The following UGT1A4 variants were observed in gnomAD, a reference collection of about 807,000 sequenced individuals.
UGT1A4 encodes the protein UDP-glucuronosyltransferase 1A4.
UGT1A4 carries 32 observed loss-of-function variants against 41.1 expected under a neutral mutation model. The observed-to-expected ratio is 0.78, with a 90% CI of 0.59 to 1.05. The LOEUF is 1.05. Ranked by LOEUF, UGT1A4 falls within the 50% of genes least tolerant of loss-of-function variation. UGT1A4 has a pLI of 0.00. For synonymous variants in UGT1A4, 283 were observed against 265.1 expected (o/e 1.07, Z -0.66); for missense variants, 748 against 677.4 (o/e 1.10, Z -1.16).
chr2:233,725,317 C>CT lies in UGT1A4; in HGVS notation c.867+5630_867+5631insT, dbSNP rs1559370683. Among the ~76,000 whole-genome samples, 2 of 37,458 alleles carry CT rather than the reference C, an allele frequency of 5.3e-5. 1 individual carries two copies. Among genetic ancestry groups the CT allele is most frequent in the African/African-American group, 6.3e-4 (2 of 3,170 alleles). 24.6% of individuals were successfully genotyped at this position (37,458 alleles called of 152,430 possible). A position where few individuals can be genotyped will look rare whatever the true frequency, so the allele number is the denominator to read the frequency against. On this transcript the variant is annotated intron_variant, in intron 1 of 4. Coordinates refer to ENST00000373409, the MANE Select transcript of UGT1A4 (RefSeq NM_007120.3). ...GCAGAGGCAGAGGCAGAGGCAGAGGCGCCTGGTCAACAATCTTAAGTCCAA... is the reference window on the plus strand; with the variant it reads ...GCAGAGGCAGAGGCAGAGGCAGAGGCTGCCTGGTCAACAATCTTAAGTCCAA...
chr2:233,768,048 T>A, intron 3 of UGT1A4, 112 bp downstream of exon 3: 1 of 1,607,556 alleles, frequency 6.2e-7, no homozygotes, highest in Non-Finnish European at 8.5e-7. Flanking sequence ...GGCCAACATA[T>A]CCTACATTGC....
At chr2:233,735,430 A>G (rs2125793200) in intron 1 of UGT1A4, among the ~76,000 whole-genome samples, 1 of 152,196 alleles carries the variant, frequency 6.6e-6, no homozygotes, top group East Asian at 1.9e-4. Context: ...GGCCTCCTGA[A>G]TACAGCATAC....
At chr2:233,761,247 T>C (rs1300927004) in intron 1 of UGT1A4, 16 of 1,609,136 alleles carry the variant, frequency 9.9e-6, no homozygotes, top group African/African-American at 1.3e-5. Flanking sequence ...GAGCAAGCAT[T>C]CTGAGATAAT....
intron 1 of UGT1A4, chr2:233,743,590 T>C: frequency 1.5e-6 from 2 of 1,367,294 alleles, no homozygotes; most frequent in South Asian, 1.1e-5. Context: ...CAAAGGAGAA[T>C]GGGTCCTGGC....
intron 1 of UGT1A4, among the ~76,000 whole-genome samples, chr2:233,765,584 C>A (rs1030389138): frequency 6.6e-6 from 1 of 151,846 alleles, no homozygotes; most frequent in African/African-American, 2.4e-5. Context: ...GGGAGGGGAA[C>A]AACACACACC....
At chr2:233,756,093 T>C (rs1696120614) in intron 1 of UGT1A4, 1 of 152,228 alleles carries the variant, frequency 6.6e-6, no homozygotes, top group Admixed American at 6.5e-5. Flanking sequence ...TCAAGTAACA[T>C]TATTACGGAA....
In UGT1A4 at chr2:233,719,181, T is replaced by C. The variant is rs2076734729; in HGVS notation, c.361T>C (p.Ser121Pro). ...SRSMAIMNNVSLALHRCCVEL... is the reference protein window; with the variant it reads ...SRSMAIMNNVPLALHRCCVEL... ...AAGTATGGCAATTATGAACAATGTA[T>C]CTTTGGCCCTTCATAGGTGTTGTGT... Residue 121 changes from serine (S) to proline (P), a missense_variant, in exon 1 of 5, where the codon TCT (serine) becomes CCT (proline). Transcript: ENST00000373409. 2.5e-6 allele frequency: 4 copies of C among 1,614,240 alleles called. No homozygotes were observed. Among genetic ancestry groups the C allele is most frequent in the Non-Finnish European group, 3.4e-6 (4 of 1,180,048 alleles).
chr2:233,723,412 A>G, intron 1 of UGT1A4, among the ~76,000 whole-genome samples: 1 of 132,624 alleles, frequency 7.5e-6, no homozygotes, highest in African/African-American at 3.1e-5. Flanking sequence ...GTTTCACCAT[A>G]CTGGTCAGGC....
intron 1 of UGT1A4, among the ~76,000 whole-genome samples, chr2:233,726,600 T>TACCCAG (rs1249219153): frequency 1.2e-4 from 18 of 152,200 alleles, no homozygotes; most frequent in African/African-American, 4.3e-4. Flanking sequence ...GCCCTTGTGA[T>TACCCAG]TACACTGTCC....
chr2:233,719,633 C>G lies in UGT1A4; in HGVS notation c.813C>G (p.Pro271=). 6.2e-7 allele frequency: 1 copy of G among 1,614,046 alleles called. No individual in the cohort carries two copies. The highest frequency in any genetic ancestry group is 8.5e-7 in the Non-Finnish European group (1 of 1,179,946). ...TGGACTACCCCAGGCCGATCATGCCCAACATGGTCTTCATTGGGGGCATCA... is the reference window on the plus strand; with the variant it reads ...TGGACTACCCCAGGCCGATCATGCCGAACATGGTCTTCATTGGGGGCATCA... ...FVMDYPRPIM[P]NMVFIGGINC... The change falls in exon 1 of 5, where the codon CCC becomes CCG. Residue 271 remains proline (P), a synonymous_variant. Coordinates refer to ENST00000373409, the MANE Select transcript of UGT1A4 (RefSeq NM_007120.3).
chr2:233,758,656 C>T (rs35815287), intron 1 of UGT1A4, among the ~76,000 whole-genome samples: 1 of 152,054 alleles, frequency 6.6e-6, no homozygotes, highest in East Asian at 1.9e-4. Context: ...GAGAGGGTAC[C>T]CTAATTACCT....
Position 233,767,016 on chromosome 2 carries a change from T to A in UGT1A4, c.868-18T>A, listed in dbSNP as rs182710200. ...AATATGAGAAAAAATTAACTGAAAATTTTTCTTCTGGCTCTAGGAATTTGA... is the reference window on the plus strand; with the variant it reads ...AATATGAGAAAAAATTAACTGAAAAATTTTCTTCTGGCTCTAGGAATTTGA... On this transcript the variant is annotated intron_variant, in intron 1 of 4. Transcript: ENST00000373409. 2.5e-5 allele frequency: 40 copies of A among 1,613,838 alleles called. No individual in the cohort carries two copies. The Middle Eastern group carries it at 6.6e-4, about 27-fold the overall frequency.
chr2:233,719,182 C>T lies in UGT1A4; in HGVS notation c.362C>T (p.Ser121Phe). ...AGTATGGCAATTATGAACAATGTAT[C>T]TTTGGCCCTTCATAGGTGTTGTGTG... ...SRSMAIMNNV[S>F]LALHRCCVEL... The change falls in exon 1 of 5, where the codon TCT becomes TTT. Residue 121 changes from serine to phenylalanine, a missense_variant. Coordinates refer to ENST00000373409, the MANE Select transcript of UGT1A4 (RefSeq NM_007120.3). 1 of 1,614,216 alleles carries T rather than the reference C, an allele frequency of 6.2e-7. No homozygotes were observed. Among genetic ancestry groups the T allele is most frequent in the South Asian group, 1.1e-5 (1 of 91,080 alleles).
In UGT1A4 at chr2:233,719,091, C is replaced by G; in HGVS notation, c.271C>G (p.Arg91Gly). The change falls in exon 1 of 5, where the codon CGC becomes GGC. Residue 91 changes from arginine (R) to glycine (G), a missense_variant. By Grantham distance (125) the Arg-to-Gly change is moderately radical (BLOSUM62 -2). Coordinates refer to ENST00000373409, the MANE Select transcript of UGT1A4 (RefSeq NM_007120.3). ...TCCATGGACCCAGAAGGAATTTGAT[C>G]GCGTTACGCTGGGCTACACTCAAGG... ...AVPWTQKEFD[R>G]VTLGYTQGFF... is the part of the protein sequence containing the mutation. 4.3e-6 allele frequency: 7 copies of G among 1,614,254 alleles called. No individual in the cohort carries two copies. The highest frequency in any genetic ancestry group is 1.6e-4 in the Middle Eastern group (1 of 6,062).
At chr2:233,729,266 T>C (rs6431625) in intron 1 of UGT1A4, 636,149 of 1,613,866 alleles carry the variant, frequency 0.39, 130,866 homozygotes, top group African/African-American at 0.67. Flanking sequence ...ATGCGGGAGG[T>C]CTTGCGGGAG....
chr2:233,754,892 C>A, intron 1 of UGT1A4: 1 of 1,351,640 alleles, frequency 7.4e-7, no homozygotes, highest in Non-Finnish European at 9.9e-7. Flanking sequence ...GGGAGTTCCT[C>A]TGACCCCCCA....
At position 233,769,650 on chromosome 2, in the gene UGT1A4, C is replaced by T. The variant is rs895944755; in HGVS notation, c.1307+1211C>T. The T allele has an allele frequency of 1.9e-6, 3 of 1,606,450 alleles. No homozygotes were observed. The South Asian group carries it at 3.3e-5, about 18-fold the overall frequency. The stretch of plus-strand genomic sequence containing the variant: ...ACAACAGGGGAGGACTGATGACTGA[C>T]TTCCCACCTTTGAGGTGCTAATGTG... On this transcript the variant is annotated intron_variant, in intron 4 of 4. Transcript: ENST00000373409. The surrounding 1 kb of genome is among the most constrained non-coding windows in gnomAD (Gnocchi z 4.4).
At chr2:233,724,619 C>A (rs2077290333) in intron 1 of UGT1A4, among the ~76,000 whole-genome samples, 1 of 138,420 alleles carries the variant, frequency 7.2e-6, no homozygotes, top group East Asian at 2.3e-4. Flanking sequence ...GGCAGAGACG[C>A]TCCTCACTTC....
chr2:233,765,587 C>T (rs1353703058), intron 1 of UGT1A4, among the ~76,000 whole-genome samples: 1 of 151,970 alleles, frequency 6.6e-6, no homozygotes, highest in East Asian at 1.9e-4. Context: ...AGGGGAACAA[C>T]ACACACCAGG....
Sources: allele counts gnomAD v4.1 joint callset (sites outside exome capture counted in the v4.1 genomes callset), GRCh38; gene constraint gnomAD v4.1.1; non-coding constraint Gnocchi (gnomAD v3.1); transcripts MANE v1.5; gene names NCBI Gene and HGNC (gene_info 2026-07-23, HGNC 2026-07-21).